The following MYO1D variants were observed in gnomAD, a reference collection of about 807,000 sequenced individuals.
MYO1D encodes myosin ID.
A neutral mutation model predicts 122.0 loss-of-function variants in MYO1D; 83 were observed. That is an observed-to-expected ratio of 0.68 (90% CI 0.57 to 0.82). MYO1D has a LOEUF of 0.82. MYO1D is among the 40% of genes least tolerant of loss of function. MYO1D has a pLI of 0.00. For missense variants in MYO1D, 1,157 were observed against 1,269.5 expected (o/e 0.91, Z 1.35); for synonymous variants, 464 against 446.9 (o/e 1.04, Z -0.48).
chr17:32,762,888 A>T (rs1388111747), intron 8 of MYO1D, among the ~76,000 whole-genome samples: 1 of 151,156 alleles, frequency 6.6e-6, no homozygotes, highest in Non-Finnish European at 1.5e-5. Context: ...AAAAGAAAAA[A>T]AAAAAAAGAC....
At chr17:32,817,693 A>T (rs1567656348) in intron 1 of MYO1D, among the ~76,000 whole-genome samples, 1 of 152,222 alleles carries the variant, frequency 6.6e-6, no homozygotes, top group Non-Finnish European at 1.5e-5. Context: ...GTAATAGCCA[A>T]CACTCACTGA....
chr17:32,673,457 T>C (rs574352297), intron 16 of MYO1D, among the ~76,000 whole-genome samples: 5 of 152,242 alleles, frequency 3.3e-5, no homozygotes, highest in African/African-American at 9.6e-5. Context: ...GGAAACAGTT[T>C]TGAAGGAAGA....
At chr17:32,668,212 T>C (rs1251918190) in intron 16 of MYO1D, among the ~76,000 whole-genome samples, 2 of 152,208 alleles carry the variant, frequency 1.3e-5, no homozygotes, top group Non-Finnish European at 2.9e-5. Flanking sequence ...TACAGAGTTT[T>C]GGTCAAGAGT....
intron 1 of MYO1D, among the ~76,000 whole-genome samples, chr17:32,850,560 CCT>C (rs1401800826): frequency 6.6e-6 from 1 of 152,142 alleles, no homozygotes; most frequent in African/African-American, 2.4e-5. Flanking sequence ...GCTCTATTTA[CCT>C]CTCTTTCATT....
chr17:32,790,709 A>C (rs764874341), intron 1 of MYO1D, among the ~76,000 whole-genome samples: 2 of 152,238 alleles, frequency 1.3e-5, no homozygotes, highest in Non-Finnish European at 2.9e-5. Flanking sequence ...AAGGTCACAG[A>C]ATATATGGGT....
chr17:32,686,299 G>A (rs1268751783), intron 16 of MYO1D: 2 of 152,218 alleles, frequency 1.3e-5, no homozygotes, highest in African/African-American at 4.8e-5. Context: ...TGTGACCATG[G>A]AGGCAGCCAC....
chr17:32,839,507 C>T (rs184750887), intron 1 of MYO1D, among the ~76,000 whole-genome samples: 41 of 152,266 alleles, frequency 2.7e-4, no homozygotes, highest in African/African-American at 8.9e-4. Context: ...AGTTTGGATT[C>T]TCTCATACCA....
chr17:32,517,097 T>C (rs1260232999), intron 21 of MYO1D, among the ~76,000 whole-genome samples: 3 of 152,244 alleles, frequency 2.0e-5, no homozygotes, highest in Non-Finnish European at 4.4e-5. Flanking sequence ...AATGGGGACC[T>C]TGAATTACTG....
At chr17:32,627,015 TAAG>T (rs772937982) in intron 20 of MYO1D, among the ~76,000 whole-genome samples, 9 of 152,212 alleles carry the variant, frequency 5.9e-5, no homozygotes, top group Admixed American at 1.3e-4. Flanking sequence ...ACTTTTTTTC[TAAG>T]AAGAGAGGTT....
chr17:32,845,648 G>A (rs1460215080), intron 1 of MYO1D, among the ~76,000 whole-genome samples: 2 of 152,172 alleles, frequency 1.3e-5, no homozygotes, highest in Non-Finnish European at 2.9e-5. Flanking sequence ...CAGTAGCCAC[G>A]AGCCACATGT....
intron 1 of MYO1D, among the ~76,000 whole-genome samples, chr17:32,820,376 T>C (rs2090649917): frequency 6.6e-6 from 1 of 152,154 alleles, no homozygotes; most frequent in South Asian, 2.1e-4. Context: ...AAGTGTCTGT[T>C]GACAAATGGA....
intron 20 of MYO1D, among the ~76,000 whole-genome samples, chr17:32,613,704 G>A (rs560313029): frequency 1.4e-5 from 2 of 141,478 alleles, no homozygotes; most frequent in South Asian, 2.2e-4. Context: ...AACCAGGAAG[G>A]CAGAGATTGC....
At chr17:32,513,095 C>G (rs1909752313) in intron 21 of MYO1D, 1 of 152,198 alleles carries the variant, frequency 6.6e-6, no homozygotes, top group Admixed American at 6.5e-5. Context: ...AAGGTAAGCT[C>G]CATGGGAAGG....
chr17:32,660,724 G>A (rs2088551670), intron 16 of MYO1D, among the ~76,000 whole-genome samples: 1 of 152,250 alleles, frequency 6.6e-6, no homozygotes, highest in Admixed American at 6.5e-5. Flanking sequence ...AAACTAACTC[G>A]TCATCTCATG....
At chr17:32,857,572 A>G (rs7226086) in intron 1 of MYO1D, among the ~76,000 whole-genome samples, 7,415 of 147,870 alleles carry the variant, frequency 0.05, 580 homozygotes, top group African/African-American at 0.17. Context: ...ACGACAGAGC[A>G]AGACTCCACC....
intron 1 of MYO1D, among the ~76,000 whole-genome samples, chr17:32,826,754 T>C (rs1293508015): frequency 6.6e-6 from 1 of 152,200 alleles, no homozygotes; most frequent in Non-Finnish European, 1.5e-5. Flanking sequence ...AAAAATATCT[T>C]GAGAAAATAT....
intron 20 of MYO1D, among the ~76,000 whole-genome samples, chr17:32,627,077 A>G (rs751147718): frequency 5.3e-5 from 8 of 152,224 alleles, no homozygotes; most frequent in Non-Finnish European, 1.2e-4. Flanking sequence ...TAACACGCAG[A>G]ACTATAAACA....
At chr17:32,844,351 G>T (rs889941901) in intron 1 of MYO1D, among the ~76,000 whole-genome samples, 1 of 145,296 alleles carries the variant, frequency 6.9e-6, no homozygotes, top group East Asian at 2.0e-4. Context: ...TATATTATAT[G>T]TGTATATATA....
chr17:32,820,722 T>A (rs1224056852), intron 1 of MYO1D, among the ~76,000 whole-genome samples: 1 of 152,202 alleles, frequency 6.6e-6, no homozygotes, highest in Non-Finnish European at 1.5e-5. Flanking sequence ...AAAAATATTC[T>A]CACCATAAAC....
Sources: allele counts gnomAD v4.1 joint callset (sites outside exome capture counted in the v4.1 genomes callset), GRCh38; gene constraint gnomAD v4.1.1; transcripts MANE v1.5; gene names NCBI Gene and HGNC (gene_info 2026-07-23, HGNC 2026-07-21).